Variants in ADAMTS15 observed in about 807,000 individuals in gnomAD.
ADAMTS15 encodes ADAM metallopeptidase with thrombospondin type 1 motif 15.
In ADAMTS15, 35 loss-of-function variants were observed where a neutral mutation model predicts 79.1. The ratio of observed to expected loss-of-function variants is 0.44; its 90% CI spans 0.34 to 0.59. The LOEUF (loss-of-function observed/expected upper bound fraction) is 0.59. ADAMTS15 is among the 20% of genes least tolerant of loss of function. The pLI, the probability that ADAMTS15 is intolerant of heterozygous loss-of-function variation, is 0.02. For synonymous variants in ADAMTS15, 616 were observed against 567.3 expected (o/e 1.09, Z -1.22); for missense variants, 1,324 against 1,318.7 (o/e 1.00, Z -0.06).
In ADAMTS15 at chr11:130,470,134, A is replaced by ATGTATATATATATATATACG. The variant is rs1491500152; in HGVS notation, c.1720+696_1720+697insGTATATATATATATATACGT. Reference sequence around the variant, plus strand: ...ATTACTGAATCATATATATATATACATATATATATATATATATGTGTATAT... The same window carrying ATGTATATATATATATATACG: ...ATTACTGAATCATATATATATATACATGTATATATATATATATACGTATATATATATATATATGTGTATAT... On this transcript the variant is annotated intron_variant, in intron 5 of 7. Coordinates refer to ENST00000299164, the MANE Select transcript of ADAMTS15 (RefSeq NM_139055.4). Among the ~76,000 whole-genome samples, 71 of 70,992 alleles carry ATGTATATATATATATATACG rather than the reference A, an allele frequency of 1.0e-3. 1 individual carries two copies. Among genetic ancestry groups the ATGTATATATATATATATACG allele is most frequent in the African/African-American group, 1.8e-3 (26 of 14,404 alleles). The allele number at this position is 70,992 out of a possible 152,430, so 46.6% of individuals were successfully genotyped here. A position where few individuals can be genotyped will look rare whatever the true frequency, so the allele number is the denominator to read the frequency against.
chr11:130,453,589 G>T (rs1938013209), intron 1 of ADAMTS15, among the ~76,000 whole-genome samples: 1 of 151,770 alleles, frequency 6.6e-6, no homozygotes, highest in South Asian at 2.1e-4. Context: ...GCACTACCGT[G>T]CCCAGCTAAT....
chr11:130,449,800 A>G lies in ADAMTS15; in HGVS notation c.827A>G (p.Asp276Gly). 6.2e-7 allele frequency: 1 copy of G among 1,611,698 alleles called. No homozygotes were observed. Among genetic ancestry groups the G allele is most frequent in the Non-Finnish European group, 8.5e-7 (1 of 1,180,024 alleles). Residue 276 changes from aspartate (D) to glycine (G), a missense_variant, in exon 1 of 8, where the codon GAC becomes GGC. Coordinates refer to ENST00000299164, the MANE Select transcript of ADAMTS15 (RefSeq NM_139055.4). The surrounding 1 kb of genome is among the most constrained non-coding windows in gnomAD (Gnocchi z 7.8). ...VVKVLLLRDR[D>G]SGPKVTGNAA... Reference sequence around the variant, plus strand: ...AAGGTGCTGCTTCTTAGAGATCGTGACTCCGGGCCCAAGGTCACCGGCAAT... The same window carrying G: ...AAGGTGCTGCTTCTTAGAGATCGTGGCTCCGGGCCCAAGGTCACCGGCAAT...
rs1938573258 is a variant in ADAMTS15, at chr11:130,475,830, G to T, written c.*2009G>T. On this transcript the variant is annotated 3_prime_UTR_variant, in exon 8 of 8. Coordinates refer to ENST00000299164, the MANE Select transcript of ADAMTS15 (RefSeq NM_139055.4). The stretch of plus-strand genomic sequence containing the variant: ...ACGACAGCACTGCGCCCTGTGCTTG[G>T]TGCACTCCCTCCTTCAGGAGGAGAG... 6.6e-6 allele frequency: 1 copy of T among 151,020 alleles called. No individual in the cohort carries two copies. Among genetic ancestry groups the T allele is most frequent in the African/African-American group, 2.4e-5 (1 of 41,018 alleles). 9.4% of individuals were successfully genotyped at this position (151,020 alleles called of 1,614,324 possible).
rs1555081039 is a variant in ADAMTS15, at chr11:130,470,168, A to ATGTG, written c.1720+730_1720+731insGTGT. Among the ~76,000 whole-genome samples the ATGTG allele has an allele frequency of 1.1e-3, 67 of 58,670 alleles. 5 individuals carry two copies. In the East Asian group the frequency reaches 0.012, roughly 10 times the overall value. 38.5% of individuals were successfully genotyped at this position (58,670 alleles called of 152,430 possible). ...TATATATATGTGTATATATATATAT[A>ATGTG]TATATATATATATGTGTGTATATAT... On this transcript the variant is annotated intron_variant, in intron 5 of 7. Transcript: ENST00000299164.
chr11:130,470,172 A>ATATATGTG (rs1938411539), intron 5 of ADAMTS15, among the ~76,000 whole-genome samples: 1 of 58,464 alleles, frequency 1.7e-5, no homozygotes, highest in African/African-American at 1.0e-4. Flanking sequence ...ATATATATAT[A>ATATATGTG]TATATATATG....
Position 130,462,022 on chromosome 11 carries a change from C to CCA in ADAMTS15, c.1091-65_1091-64insCA. 7.7e-6 allele frequency: 11 copies of CCA among 1,419,434 alleles called. No homozygotes were observed. The highest frequency in any genetic ancestry group is 1.1e-5 in the Non-Finnish European group (11 of 1,021,478). The allele number at this position is 1,419,434 out of a possible 1,614,324, so 87.9% of individuals were successfully genotyped here. On this transcript the variant is annotated intron_variant, in intron 2 of 7. Transcript: ENST00000299164. The surrounding 1 kb of genome is among the most constrained non-coding windows in gnomAD (Gnocchi z 4.3). The stretch of plus-strand genomic sequence containing the variant: ...CATGGGCTTTCTAGTTCCCCTGCCC[C>CCA]ATTCCTCCCTCCAACCCCCATGTCC...
At position 130,472,959 on chromosome 11, in the gene ADAMTS15, T is replaced by C. The variant is rs1489098189; in HGVS notation, c.2079-88T>C. 2 of 1,532,828 alleles carry C rather than the reference T, an allele frequency of 1.3e-6. No individual in the cohort carries two copies. Among genetic ancestry groups the C allele is most frequent in the South Asian group, 1.3e-5 (1 of 78,836 alleles). 95.0% of individuals were successfully genotyped at this position (1,532,828 alleles called of 1,614,324 possible). On this transcript the variant is annotated intron_variant, in intron 7 of 7. Transcript: ENST00000299164. The surrounding 1 kb of genome is among the most constrained non-coding windows in gnomAD (Gnocchi z 4.7). ...TCCCATGCCAGAATTCACCGAAAGC[T>C]AGGTTTACTGAGGAAAACAGATCCT...
intron 1 of ADAMTS15, among the ~76,000 whole-genome samples, chr11:130,460,997 C>A (rs996055459): frequency 2.0e-5 from 3 of 152,176 alleles, no homozygotes; most frequent in Non-Finnish European, 4.4e-5. Context: ...GGCCAGCAGC[C>A]CTCTGGCTGA....
chr11:130,454,257 T>C (rs1032295383), intron 1 of ADAMTS15, among the ~76,000 whole-genome samples: 1 of 152,224 alleles, frequency 6.6e-6, no homozygotes, highest in Non-Finnish European at 1.5e-5. Flanking sequence ...AGTCTTTCTC[T>C]TCCCCCTTAT....
chr11:130,471,433 G>C, intron 7 of ADAMTS15, 50 bp downstream of exon 7: 1 of 1,576,560 alleles, frequency 6.3e-7, no homozygotes. Flanking sequence ...GGAGGGAGGT[G>C]GAGTTTCCCA....
intron 1 of ADAMTS15, among the ~76,000 whole-genome samples, chr11:130,456,484 A>G (rs1938082781): frequency 6.6e-6 from 1 of 152,210 alleles, no homozygotes; most frequent in Non-Finnish European, 1.5e-5. Flanking sequence ...CTGAATTGCT[A>G]GATTTTATTT....
At position 130,458,268 on chromosome 11, in the gene ADAMTS15, C is replaced by T. The variant is rs1292482037; in HGVS notation, c.958-3221C>T. 3.9e-5 allele frequency among the ~76,000 whole-genome samples: 6 copies of T among 152,256 alleles called. No homozygotes were observed. The East Asian group carries it at 1.2e-3, about 29-fold the overall frequency. ...AGAGATGGGGTCTTGTTACGCTGCC[C>T]AGGCTGGTCTTGACCTCCTGGCCTC... is the stretch of plus-strand genomic sequence containing the variant. On this transcript the variant is annotated intron_variant, in intron 1 of 7. Transcript: ENST00000299164.
chr11:130,467,644 G>A (rs999452699), intron 4 of ADAMTS15, among the ~76,000 whole-genome samples: 6 of 151,960 alleles, frequency 3.9e-5, no homozygotes, highest in Admixed American at 1.3e-4. Flanking sequence ...TACAGCAGCC[G>A]GGCTGCTTCC....
intron 4 of ADAMTS15, among the ~76,000 whole-genome samples, chr11:130,468,468 T>G (rs1181382678): frequency 1.3e-5 from 2 of 150,834 alleles, no homozygotes; most frequent in African/African-American, 4.9e-5. Context: ...TCGTCTCTAT[T>G]AAAAATACAA....
In ADAMTS15 at chr11:130,474,343, C is replaced by G. The variant is rs1565400592; in HGVS notation, c.*522C>G. 6.5e-6 allele frequency: 1 copy of G among 153,152 alleles called. No homozygotes were observed. Among genetic ancestry groups the G allele is most frequent in the Non-Finnish European group, 1.5e-5 (1 of 68,772 alleles). The allele number at this position is 153,152 out of a possible 1,614,324, so 9.5% of individuals were successfully genotyped here. ...AAGCTGGCTGGGGCTGGGCAGAAGCCACGGGGAGAGTGAGATTAGGGCCCC... is the reference window on the plus strand; with the variant it reads ...AAGCTGGCTGGGGCTGGGCAGAAGCGACGGGGAGAGTGAGATTAGGGCCCC... On this transcript the variant is annotated 3_prime_UTR_variant, in exon 8 of 8. Transcript: ENST00000299164.
At chr11:130,455,730 C>T (rs1429906606) in intron 1 of ADAMTS15, among the ~76,000 whole-genome samples, 1 of 152,192 alleles carries the variant, frequency 6.6e-6, no homozygotes, top group African/African-American at 2.4e-5. Context: ...GTTTAATCCA[C>T]CTTGGAGTCA....
rs1200616180 is a variant in ADAMTS15 at position 130,462,643 on chromosome 11, T to C, written c.1405T>C (p.Trp469Arg). ...CPYMQYCTKL[W>R]CTGKAKGQMV... is the part of the protein sequence containing the mutation. ...TTACATGCAGTACTGCACCAAGCTG[T>C]GGTGCACCGGGAAGGCCAAGGGACA... Residue 469 changes from tryptophan to arginine, a missense_variant, in exon 4 of 8, where the codon TGG becomes CGG. Transcript: ENST00000299164. The surrounding 1 kb of genome is among the most constrained non-coding windows in gnomAD (Gnocchi z 4.3). 3 of 1,613,608 alleles carry C rather than the reference T, an allele frequency of 1.9e-6. No individual in the cohort carries two copies. Among genetic ancestry groups the C allele is most frequent in the African/African-American group, 1.3e-5 (1 of 74,946 alleles).
chr11:130,452,636 C>G (rs11827002), intron 1 of ADAMTS15, among the ~76,000 whole-genome samples: 1 of 151,994 alleles, frequency 6.6e-6, no homozygotes, highest in African/African-American at 2.4e-5. Flanking sequence ...TTGAGCATTA[C>G]TTATTATTAT....
chr11:130,449,350 C>G lies in ADAMTS15; in HGVS notation c.377C>G (p.Ala126Gly), dbSNP rs1280808096. ...AGCCTGTGCGGGGGGCTCCGCGGAGCCTTTGGCTACCGAGGCGCCGAGTAT... is the reference window on the plus strand; with the variant it reads ...AGCCTGTGCGGGGGGCTCCGCGGAGGCTTTGGCTACCGAGGCGCCGAGTAT... The part of the protein sequence containing the change: ...AVSLCGGLRG[A>G]FGYRGAEYVI... The change falls in exon 1 of 8, where the codon GCC (alanine) becomes GGC (glycine). Residue 126 changes from alanine (A) to glycine (G), a missense_variant. Physicochemically the swap from Ala to Gly is moderately conservative, Grantham distance 60. Coordinates refer to ENST00000299164, the MANE Select transcript of ADAMTS15 (RefSeq NM_139055.4). This position sits in a 1 kb window ranked among gnomAD's most constrained non-coding sequence, Gnocchi z 7.8. 3 of 1,607,166 alleles carry G rather than the reference C, an allele frequency of 1.9e-6. No individual in the cohort carries two copies. Among genetic ancestry groups the G allele is most frequent in the African/African-American group, 1.3e-5 (1 of 75,058 alleles).
Sources: allele counts gnomAD v4.1 joint callset (sites outside exome capture counted in the v4.1 genomes callset), GRCh38; gene constraint gnomAD v4.1.1; non-coding constraint Gnocchi (gnomAD v3.1); transcripts MANE v1.5; gene names NCBI Gene and HGNC (gene_info 2026-07-23, HGNC 2026-07-21).